Variants in MEGF10 observed in about 807,000 individuals in gnomAD.
The protein encoded by MEGF10 is multiple EGF like domains 10, also known as multiple epidermal growth factor-like domains protein 10.
In MEGF10, 86 loss-of-function variants were observed where a neutral mutation model predicts 147.5. The ratio of observed to expected loss-of-function variants is 0.58; its 90% CI spans 0.49 to 0.70. The LOEUF (loss-of-function observed/expected upper bound fraction) is 0.70. Ranked by LOEUF, MEGF10 falls within the 30% of genes least tolerant of loss-of-function variation. The pLI, the probability that MEGF10 is intolerant of heterozygous loss-of-function variation, is 0.00. For missense variants in MEGF10, 1,329 were observed against 1,487.3 expected, an observed-to-expected ratio of 0.89 and a Z score of 1.75; for synonymous variants, 478 against 525.5, an observed-to-expected ratio of 0.91 and a Z score of 1.24.
In MEGF10 at chr5:127,438,473, C is replaced by T. The variant is rs1208463671; in HGVS notation, c.2139C>T (p.Ile713=). The T allele has an allele frequency of 4.3e-6, 7 of 1,614,026 alleles. No individual in the cohort carries two copies. Among genetic ancestry groups the T allele is most frequent in the East Asian group, 2.2e-5 (1 of 44,884 alleles). ...CTGCCCACTGGGGCCCAAACTGCAT[C>T]CACACGTGCAACTGCCATAATGGAG... ...CPPAHWGPNC[I]HTCNCHNGAF... is the part of the protein sequence containing the mutation. The change falls in exon 17 of 25, where the codon ATC becomes ATT. Residue 713 remains isoleucine, a synonymous_variant. Transcript: ENST00000503335.
At chr5:127,369,128 T>A (rs1003690301) in intron 4 of MEGF10, among the ~76,000 whole-genome samples, 9 of 152,160 alleles carry the variant, frequency 5.9e-5, no homozygotes, top group Non-Finnish European at 1.3e-4. Context: ...TTTAAGTCGT[T>A]CTCACAATTA....
At chr5:127,381,212 G>A (rs1763250402) in intron 5 of MEGF10, among the ~76,000 whole-genome samples, 1 of 152,104 alleles carries the variant, frequency 6.6e-6, no homozygotes, top group East Asian at 1.9e-4. Flanking sequence ...AACTGCAAAT[G>A]AACAGTAAGA....
chr5:127,256,492 T>G, the MEGF10 span, among the ~76,000 whole-genome samples: 1 of 152,166 alleles, frequency 6.6e-6, no homozygotes, highest in East Asian at 1.9e-4. Context: ...TGATGTTTTC[T>G]TTTAGTAATT....
In MEGF10 at chr5:127,453,786, G is replaced by A. The variant is rs545489502; in HGVS notation, c.2981-780G>A. ...AGTATAAAATGGGCTAGGTAATGTC[G>A]TCTTATTTTGTTTTTAGTAGTGCGA... On this transcript the variant is annotated intron_variant, in intron 22 of 24. Transcript: ENST00000503335. Among the ~76,000 whole-genome samples, 18 of 152,202 alleles carry A rather than the reference G, an allele frequency of 1.2e-4. No homozygotes were observed. In the South Asian group the frequency reaches 2.7e-3, roughly 23 times the overall value.
chr5:127,271,351 A>G, the MEGF10 span, among the ~76,000 whole-genome samples: 2 of 150,624 alleles, frequency 1.3e-5, no homozygotes, highest in East Asian at 1.9e-4. Context: ...GGCCACATGT[A>G]TGTCTTCTTT....
intron 1 of MEGF10, among the ~76,000 whole-genome samples, chr5:127,309,404 C>T (rs1760160550): frequency 6.6e-6 from 1 of 152,156 alleles, no homozygotes; most frequent in Non-Finnish European, 1.5e-5. Flanking sequence ...TTTTCATGAT[C>T]CCAAATTGAA....
the MEGF10 span, among the ~76,000 whole-genome samples, chr5:127,245,850 A>G: frequency 2.6e-5 from 4 of 152,236 alleles, no homozygotes; most frequent in Non-Finnish European, 5.9e-5. Context: ...AAACATATGA[A>G]AAAAAGCTCA....
intron 13 of MEGF10, chr5:127,424,417 G>A (rs184484465): frequency 2.1e-6 from 2 of 944,886 alleles, no homozygotes; most frequent in South Asian, 1.4e-5. Flanking sequence ...AAAGAAGCAA[G>A]GTGGAAATTT....
chr5:127,451,458 T>G (rs148037710), intron 22 of MEGF10, among the ~76,000 whole-genome samples: 1 of 152,222 alleles, frequency 6.6e-6, no homozygotes, highest in African/African-American at 2.4e-5. Flanking sequence ...AGTAAAATTA[T>G]TTACATACGA....
intron 13 of MEGF10, among the ~76,000 whole-genome samples, chr5:127,423,464 A>G (rs1765099458): frequency 6.6e-6 from 1 of 152,226 alleles, no homozygotes; most frequent in Non-Finnish European, 1.5e-5. Flanking sequence ...GAGCAAAAAC[A>G]TTGTTCTTCT....
chr5:127,322,650 T>A (rs1218761843), intron 1 of MEGF10, among the ~76,000 whole-genome samples: 1 of 152,212 alleles, frequency 6.6e-6, no homozygotes, highest in Non-Finnish European at 1.5e-5. Flanking sequence ...CTGGTTGAAA[T>A]AACAAATGTT....
intron 19 of MEGF10, among the ~76,000 whole-genome samples, chr5:127,443,557 C>A (rs1460787212): frequency 6.6e-6 from 1 of 152,094 alleles, no homozygotes; most frequent in Non-Finnish European, 1.5e-5. Flanking sequence ...AATGAAATAT[C>A]CATCACCATG....
intron 1 of MEGF10, among the ~76,000 whole-genome samples, chr5:127,297,924 G>A (rs908352846): frequency 6.6e-6 from 1 of 152,050 alleles, no homozygotes; most frequent in African/African-American, 2.4e-5. Flanking sequence ...GGCTAGAGAC[G>A]GAGACAGGGC....
chr5:127,349,013 A>G (rs1761995544), intron 4 of MEGF10, among the ~76,000 whole-genome samples: 1 of 152,154 alleles, frequency 6.6e-6, no homozygotes, highest in Admixed American at 6.6e-5. Context: ...GCGAGAATCC[A>G]TCTCAAAAAA....
At chr5:127,393,037 A>G (rs897589630) in intron 5 of MEGF10, among the ~76,000 whole-genome samples, 3 of 152,236 alleles carry the variant, frequency 2.0e-5, no homozygotes, top group African/African-American at 7.2e-5. Context: ...GTCACTTTCA[A>G]TTTAATCTGA....
chr5:127,311,918 G>A lies in MEGF10; in HGVS notation c.-18-19373G>A, dbSNP rs573583232. ...ATTCACAGGGCCTCAATCATCTGAG[G>A]GACTAGATATCCAGAGAAGCCAGCT... On this transcript the variant is annotated intron_variant, in intron 1 of 24. Transcript: ENST00000503335. Among the ~76,000 whole-genome samples, 10 of 152,142 alleles carry A rather than the reference G, an allele frequency of 6.6e-5. No homozygotes were observed. The East Asian group carries it at 1.9e-3, about 29-fold the overall frequency.
At chr5:127,361,565 C>T (rs962503939) in intron 4 of MEGF10, among the ~76,000 whole-genome samples, 12 of 152,042 alleles carry the variant, frequency 7.9e-5, no homozygotes, top group African/African-American at 2.9e-4. Context: ...CTCCCCCTTT[C>T]ACTGGGGTTT....
intron 5 of MEGF10, among the ~76,000 whole-genome samples, chr5:127,377,910 T>C (rs1450348434): frequency 6.6e-6 from 1 of 152,192 alleles, no homozygotes; most frequent in African/African-American, 2.4e-5. Context: ...GGTTCACTGG[T>C]GTTAGGGTCA....
intron 1 of MEGF10, among the ~76,000 whole-genome samples, chr5:127,303,147 G>A (rs1389214329): frequency 6.6e-6 from 1 of 152,044 alleles, no homozygotes; most frequent in African/African-American, 2.4e-5. Context: ...GACCAGCCTG[G>A]CCAACATGGC....
Sources: allele counts gnomAD v4.1 joint callset (sites outside exome capture counted in the v4.1 genomes callset), GRCh38; gene constraint gnomAD v4.1.1; transcripts MANE v1.5; gene names NCBI Gene and HGNC (gene_info 2026-07-23, HGNC 2026-07-21).